The following CEP170 variants were observed in gnomAD, a reference collection of about 807,000 sequenced individuals.
CEP170 encodes the protein centrosomal protein 170.
Under a neutral mutation model 151.9 loss-of-function variants are expected in CEP170, and 21 were observed. The ratio of observed to expected loss-of-function variants is 0.14; its 90% CI spans 0.10 to 0.20. CEP170 has a LOEUF of 0.20. Among genes scored for constraint, CEP170 ranks in the 10% least tolerant of loss-of-function variants. The pLI, the probability that CEP170 is intolerant of heterozygous loss-of-function variation, is 1.00. For missense variants in CEP170, 964 were observed against 1,892.9 expected, an observed-to-expected ratio of 0.51 and a Z score of 9.11; for synonymous variants, 356 against 648.8, an observed-to-expected ratio of 0.55 and a Z score of 6.86.
At chr1:243,161,211 G>A (rs945371262) in intron 13 of CEP170, among the ~76,000 whole-genome samples, 12 of 151,664 alleles carry the variant, frequency 7.9e-5, no homozygotes, top group African/African-American at 2.4e-4. Flanking sequence ...GCTGAGGCAG[G>A]AGAATCACTT....
chr1:243,129,873 A>AG lies in CEP170; in HGVS notation c.4320-421_4320-420insC, dbSNP rs2054182787. Among the ~76,000 whole-genome samples, 4 of 151,454 alleles carry AG rather than the reference A, an allele frequency of 2.6e-5. No individual in the cohort carries two copies. In the South Asian group the frequency reaches 6.3e-4, roughly 24 times the overall value. ...TTGGGAGAGGGAGAGAGAGAGAGAGAAAAAAAAAGACCACATTCACATAAC... is the reference window on the plus strand; with the variant it reads ...TTGGGAGAGGGAGAGAGAGAGAGAGAGAAAAAAAAGACCACATTCACATAAC... On this transcript the variant is annotated intron_variant, in intron 17 of 19. Coordinates refer to ENST00000366542, the MANE Select transcript of CEP170 (RefSeq NM_014812.3).
chr1:243,226,750 G>A (rs997817247), intron 1 of CEP170, among the ~76,000 whole-genome samples: 16 of 152,196 alleles, frequency 1.1e-4, no homozygotes, highest in African/African-American at 3.9e-4. Context: ...AGCACTTTGG[G>A]AGGCCGAGGC....
At chr1:243,148,767 AATG>A (rs1230112377) in intron 14 of CEP170, among the ~76,000 whole-genome samples, 1 of 152,132 alleles carries the variant, frequency 6.6e-6, no homozygotes, top group Non-Finnish European at 1.5e-5. Context: ...AAAGTTTCCT[AATG>A]ATAAGGAAAG....
intron 7 of CEP170, among the ~76,000 whole-genome samples, chr1:243,192,244 A>C (rs2060350546): frequency 6.6e-6 from 1 of 152,150 alleles, no homozygotes; most frequent in South Asian, 2.1e-4. Context: ...AGAATATGCA[A>C]AAGTGTCAAA....
chr1:243,221,167 G>A (rs1488101895), intron 3 of CEP170, among the ~76,000 whole-genome samples: 2 of 152,144 alleles, frequency 1.3e-5, no homozygotes. Flanking sequence ...TGGGACTACA[G>A]GAGCCCGCCA....
At chr1:243,198,886 C>T (rs930489175) in intron 7 of CEP170, among the ~76,000 whole-genome samples, 174 bp downstream of exon 7, 64 of 150,650 alleles carry the variant, frequency 4.2e-4, no homozygotes, top group African/African-American at 1.5e-3. Context: ...TATAATCACA[C>T]ATAATTTTAA....
At chr1:243,232,455 A>C (rs1315265564) in intron 1 of CEP170, among the ~76,000 whole-genome samples, 1 of 152,198 alleles carries the variant, frequency 6.6e-6, no homozygotes, top group Non-Finnish European at 1.5e-5. Flanking sequence ...GGGCAGAGTT[A>C]GCCATACTTT....
intron 12 of CEP170, chr1:243,166,474 A>G (rs1388744801): frequency 5.1e-6 from 1 of 194,804 alleles, no homozygotes; most frequent in Non-Finnish European, 1.1e-5. Context: ...CCCCTCTCAA[A>G]TATTTTCAAT....
At chr1:243,227,756 G>A (rs764997125) in intron 1 of CEP170, among the ~76,000 whole-genome samples, 2 of 152,154 alleles carry the variant, frequency 1.3e-5, no homozygotes, top group African/African-American at 4.8e-5. Context: ...AATAAAAAAG[G>A]CAAATAATGC....
At chr1:243,202,249 TGG>T (rs1428332375) in intron 4 of CEP170, among the ~76,000 whole-genome samples, 1 of 152,082 alleles carries the variant, frequency 6.6e-6, no homozygotes, top group Non-Finnish European at 1.5e-5. Context: ...ACCTAAGCTA[TGG>T]GTACACAAAG....
At chr1:243,248,036 C>T (rs2065585735) in intron 1 of CEP170, among the ~76,000 whole-genome samples, 1 of 152,220 alleles carries the variant, frequency 6.6e-6, no homozygotes, top group African/African-American at 2.4e-5. Flanking sequence ...CCATACTCAT[C>T]CACGTAGGAA....
At chr1:243,241,663 G>A (rs1047440574) in intron 1 of CEP170, among the ~76,000 whole-genome samples, 17 of 151,910 alleles carry the variant, frequency 1.1e-4, no homozygotes, top group East Asian at 7.8e-4. Context: ...GGTGGCAGGC[G>A]CCTGTAATCC....
intron 10 of CEP170, among the ~76,000 whole-genome samples, chr1:243,181,628 TA>T (rs1439814488): frequency 3.9e-5 from 6 of 152,182 alleles, no homozygotes; most frequent in African/African-American, 1.2e-4. Flanking sequence ...AAGATGCAAA[TA>T]CACGGTTTGC....
chr1:243,207,312 G>A (rs941848339), intron 4 of CEP170, among the ~76,000 whole-genome samples: 1 of 152,156 alleles, frequency 6.6e-6, no homozygotes, highest in Non-Finnish European at 1.5e-5. Flanking sequence ...ATTGCATAAT[G>A]ATAGAGGGGG....
intron 4 of CEP170, among the ~76,000 whole-genome samples, chr1:243,202,178 CTAAGT>C (rs1355986311): frequency 6.6e-6 from 1 of 152,102 alleles, no homozygotes; most frequent in Non-Finnish European, 1.5e-5. Flanking sequence ...GGCTATTACT[CTAAGT>C]AAAGTAACTC....
At chr1:243,158,904 T>C (rs2057802295) in intron 13 of CEP170, among the ~76,000 whole-genome samples, 3 of 151,730 alleles carry the variant, frequency 2.0e-5, no homozygotes, top group Non-Finnish European at 4.4e-5. Context: ...CCATCTCTAC[T>C]AAAAATACAA....
At chr1:243,162,340 T>C (rs894787909) in intron 13 of CEP170, among the ~76,000 whole-genome samples, 3 of 152,238 alleles carry the variant, frequency 2.0e-5, no homozygotes, top group African/African-American at 7.2e-5. Context: ...CACTGCCATG[T>C]GCCCAGGGCA....
chr1:243,145,055 A>G (rs952677610), intron 14 of CEP170, among the ~76,000 whole-genome samples: 12 of 151,998 alleles, frequency 7.9e-5, no homozygotes, highest in Non-Finnish European at 2.9e-5. Flanking sequence ...CTTTTTTTTC[A>G]CTGAAGGGTT....
intron 3 of CEP170, among the ~76,000 whole-genome samples, chr1:243,221,033 T>A (rs1203047268): frequency 6.6e-6 from 1 of 152,206 alleles, no homozygotes; most frequent in Non-Finnish European, 1.5e-5. Flanking sequence ...TTCTTTTCTT[T>A]TTTTTGAGAC....
Sources: allele counts gnomAD v4.1 joint callset (sites outside exome capture counted in the v4.1 genomes callset), GRCh38; gene constraint gnomAD v4.1.1; transcripts MANE v1.5; gene names NCBI Gene and HGNC (gene_info 2026-07-23, HGNC 2026-07-21).